Variants in HOGA1 observed in about 807,000 individuals in gnomAD.
HOGA1 encodes the protein 4-hydroxy-2-oxoglutarate aldolase, mitochondrial.
In HOGA1, 30 loss-of-function variants were observed where a neutral mutation model predicts 34.3. The ratio of observed to expected loss-of-function variants is 0.87; its 90% CI spans 0.65 to 1.19. The LOEUF (loss-of-function observed/expected upper bound fraction) is 1.19. Ranked by LOEUF, HOGA1 falls within the 50% of genes most tolerant of loss-of-function variation. The probability of loss-of-function intolerance (pLI) is 0.00; values close to 1 mark genes in which losing one functional copy is unlikely to be tolerated. For missense variants in HOGA1, 417 were observed against 436.5 expected (o/e 0.96, Z 0.40); for synonymous variants, 161 against 174.0 (o/e 0.93, Z 0.59).
chr10:97,598,224 G>T (rs2041085914), intron 1 of HOGA1, among the ~76,000 whole-genome samples: 1 of 152,198 alleles, frequency 6.6e-6, no homozygotes, highest in Non-Finnish European at 1.5e-5. Flanking sequence ...CTGGGCTCAA[G>T]CGATCCACCC....
At chr10:97,596,666 C>T (rs1297526443) in intron 1 of HOGA1, among the ~76,000 whole-genome samples, 2 of 150,318 alleles carry the variant, frequency 1.3e-5, no homozygotes, top group East Asian at 3.9e-4. Flanking sequence ...AGCTGTGTGC[C>T]TCCAGACGTT....
At chr10:97,592,327 A>G (rs2861970) in intron 1 of HOGA1, among the ~76,000 whole-genome samples, 48,885 of 140,256 alleles carry the variant, frequency 0.35, 8,340 homozygotes, top group African/African-American at 0.43. Flanking sequence ...TGCAAGCTTC[A>G]CCTCCCGGGT....
At chr10:97,594,946 A>G (rs2041057502) in intron 1 of HOGA1, among the ~76,000 whole-genome samples, 1 of 152,224 alleles carries the variant, frequency 6.6e-6, no homozygotes, top group Non-Finnish European at 1.5e-5. Context: ...GGAAATGCAG[A>G]GCAGGGAGGC....
At chr10:97,589,764 A>G in intron 1 of HOGA1, 4 of 710,840 alleles carry the variant, frequency 5.6e-6, no homozygotes, top group Non-Finnish European at 9.8e-6. Context: ...GAATCATACC[A>G]CCAGAGATCA....
At chr10:97,611,138 C>T (rs1246572173) in intron 6 of HOGA1, among the ~76,000 whole-genome samples, 4 of 152,132 alleles carry the variant, frequency 2.6e-5, no homozygotes, top group Non-Finnish European at 4.4e-5. Flanking sequence ...GTGTGACCTG[C>T]GTCAGGTTTC....
At chr10:97,590,182 C>T (rs1340536924) in intron 1 of HOGA1, 1 of 1,613,928 alleles carries the variant, frequency 6.2e-7, no homozygotes, top group East Asian at 2.2e-5. Context: ...AATCCTTCAC[C>T]AGCAGGCAGA....
At position 97,605,294 on chromosome 10, in the gene HOGA1, C is replaced by T. The variant is rs968963205; in HGVS notation, c.834+3304C>T. Among the ~76,000 whole-genome samples, 30 of 151,836 alleles carry T rather than the reference C, an allele frequency of 2.0e-4. 1 individual carries two copies. Among genetic ancestry groups the T allele is most frequent in the Admixed American group, 1.5e-3 (23 of 15,248 alleles). ...GCGGTGGCATGCACCTGTGGTCCCA[C>T]GACTTGGGAGGCTGAGGCAGAAGGG... On this transcript the variant is annotated intron_variant, in intron 6 of 6. Coordinates refer to ENST00000370646, the MANE Select transcript of HOGA1 (RefSeq NM_138413.4).
chr10:97,589,755 A>C, intron 1 of HOGA1: 1 of 695,022 alleles, frequency 1.4e-6, no homozygotes, highest in Middle Eastern at 4.1e-4. Flanking sequence ...TTCAAGCATG[A>C]ATCATACCAC....
intron 6 of HOGA1, among the ~76,000 whole-genome samples, chr10:97,604,372 G>A (rs1589910766): frequency 6.6e-6 from 1 of 152,160 alleles, no homozygotes; most frequent in East Asian, 1.9e-4. Flanking sequence ...CACCGGGGAT[G>A]AGTGCAGTGG....
intron 1 of HOGA1, chr10:97,590,459 A>G (rs746536146): frequency 1.2e-6 from 2 of 1,613,824 alleles, no homozygotes; most frequent in Admixed American, 3.3e-5. Flanking sequence ...CCAGCGGGAA[A>G]ACACCATAGC....
intron 4 of HOGA1, 80 bp downstream of exon 4, chr10:97,599,894 G>A: frequency 6.2e-7 from 1 of 1,601,852 alleles, no homozygotes; most frequent in South Asian, 1.1e-5. Context: ...GGGCAGCTCT[G>A]AGATCTGTTT....
chr10:97,596,435 T>G (rs954706443), intron 1 of HOGA1, among the ~76,000 whole-genome samples: 1 of 152,156 alleles, frequency 6.6e-6, no homozygotes, highest in Non-Finnish European at 1.5e-5. Flanking sequence ...GGAAGATGAC[T>G]TTGGTATTGG....
intron 6 of HOGA1, chr10:97,602,701 T>G (rs1290924193): frequency 1.5e-6 from 1 of 672,406 alleles, no homozygotes; most frequent in Non-Finnish European, 1.8e-6. Flanking sequence ...TTCTTTCTTT[T>G]TTTAGACAGA....
At position 97,612,075 on chromosome 10, in the gene HOGA1, G is replaced by A. The variant is rs938315470; in HGVS notation, c.*416G>A. ...TCTGTCACCCAGGCTGGAGTGCAAT[G>A]GCATGATCTCGCCTCCTGGGTTCAA... On this transcript the variant is annotated 3_prime_UTR_variant, in exon 7 of 7. Transcript: ENST00000370646. 5.9e-6 allele frequency: 1 copy of A among 169,028 alleles called. No homozygotes were observed. Among genetic ancestry groups the A allele is most frequent in the Non-Finnish European group, 1.2e-5 (1 of 80,062 alleles). The allele number at this position is 169,028 out of a possible 1,614,324, so 10.5% of individuals were successfully genotyped here.
chr10:97,602,320 T>C (rs2041125478), intron 6 of HOGA1: 1 of 1,256,780 alleles, frequency 8.0e-7, no homozygotes, highest in South Asian at 1.5e-5. Context: ...CACTTAGAGA[T>C]GCCTGGAGAG....
intron 6 of HOGA1, chr10:97,602,381 C>G: frequency 8.4e-7 from 1 of 1,190,948 alleles, no homozygotes; most frequent in East Asian, 5.8e-5. Flanking sequence ...GGGCCAGGTC[C>G]TGAAAAAATA....
At chr10:97,602,056 G>A (rs778745134) in intron 6 of HOGA1, 66 bp downstream of exon 6, 3 of 1,564,724 alleles carry the variant, frequency 1.9e-6, no homozygotes, top group Non-Finnish European at 2.6e-6. Flanking sequence ...CATTGGAGCA[G>A]GACCCAGGGC....
chr10:97,610,597 C>T (rs2041187586), intron 6 of HOGA1, among the ~76,000 whole-genome samples: 1 of 152,098 alleles, frequency 6.6e-6, no homozygotes, highest in South Asian at 2.1e-4. Flanking sequence ...CCAGCCTGGC[C>T]AACATGGCGA....
At chr10:97,594,852 G>A (rs1352500523) in intron 1 of HOGA1, among the ~76,000 whole-genome samples, 1 of 152,174 alleles carries the variant, frequency 6.6e-6, no homozygotes, top group Non-Finnish European at 1.5e-5. Flanking sequence ...ACACATGGGG[G>A]TGGGGGTGGA....
Sources: allele counts gnomAD v4.1 joint callset (sites outside exome capture counted in the v4.1 genomes callset), GRCh38; gene constraint gnomAD v4.1.1; transcripts MANE v1.5; gene names NCBI Gene and HGNC (gene_info 2026-07-23, HGNC 2026-07-21).